KCNC4: variants seen among roughly 807,000 people sequenced by gnomAD.
The protein encoded by KCNC4 is voltage-gated potassium channel KCNC4.
Under a neutral mutation model 42.8 loss-of-function variants are expected in KCNC4, and 23 were observed. That is an observed-to-expected ratio of 0.54 (90% CI 0.39 to 0.76). KCNC4 has a LOEUF of 0.76. KCNC4 is among the 30% of genes least tolerant of loss of function. KCNC4 has a pLI of 0.00. For synonymous variants in KCNC4, 422 were observed against 393.5 expected, an observed-to-expected ratio of 1.07 and a Z score of -0.86; for missense variants, 751 against 898.2, an observed-to-expected ratio of 0.84 and a Z score of 2.10.
Position 110,223,876 on chromosome 1 carries a change from G to A in KCNC4, c.1591G>A (p.Gly531Ser), listed in dbSNP as rs1198904212. The A allele has an allele frequency of 7.5e-6, 12 of 1,599,992 alleles. No homozygotes were observed. Among genetic ancestry groups the A allele is most frequent in the Non-Finnish European group, 9.4e-6 (11 of 1,171,308 alleles). Residue 531 changes from glycine (G) to serine (S), a missense_variant, in exon 2 of 4, where the codon GGT becomes AGT. Physicochemically the swap from Gly to Ser is moderately conservative, Grantham distance 56. This residue lies in a region of KCNC4 where 202 missense variants were observed against 181.5 expected (regional missense o/e 1.11). Transcript: ENST00000438661. This position sits in a 1 kb window ranked among gnomAD's most constrained non-coding sequence, Gnocchi z 7.5. ...SDTSPPAREE[G>S]MIERKRADSK... ...TACCAGCCCCCCTGCCCGGGAAGAGGGTATGATCGAGAGGAAACGGGCAGG... is the reference window on the plus strand; with the variant it reads ...TACCAGCCCCCCTGCCCGGGAAGAGAGTATGATCGAGAGGAAACGGGCAGG...
chr1:110,265,380 A>C (rs1388919867), intron 1 of KCNC4, among the ~76,000 whole-genome samples: 5 of 135,446 alleles, frequency 3.7e-5, no homozygotes, highest in Admixed American at 7.1e-5. Context: ...AATAAAATAA[A>C]ATAAAATAAA....
intron 1 of KCNC4, chr1:110,222,253 A>G (rs1387461738): frequency 6.6e-6 from 1 of 152,302 alleles, no homozygotes; most frequent in Admixed American, 6.5e-5. Context: ...GACTATGGAT[A>G]ATAGGCTCAG....
At chr1:110,243,215 GCTAGGGCCTCT>G (rs1415327990) in exon 4 of KCNC4, 2 of 152,316 alleles carry the variant, frequency 1.3e-5, no homozygotes, top group Non-Finnish European at 2.9e-5. Context: ...GAAATTCCTT[GCTAGGGCCTCT>G]CACTGTGGAC....
At position 110,211,296 on chromosome 1, in the gene KCNC4, A is replaced by G. The variant is rs1176709618; in HGVS notation, c.-204A>G. The stretch of plus-strand genomic sequence containing the variant: ...TCCGGAGCTTCCTGCCCTAACCCCA[A>G]CCACCTGTGTACCGGAGAAATCCAA... On this transcript the variant is annotated 5_prime_UTR_variant, in exon 1 of 4. Transcript: ENST00000438661. The surrounding 1 kb of genome is among the most constrained non-coding windows in gnomAD (Gnocchi z 6.5). 1 of 720,402 alleles carries G rather than the reference A, an allele frequency of 1.4e-6. No homozygotes were observed. Among genetic ancestry groups the G allele is most frequent in the East Asian group, 2.8e-5 (1 of 35,968 alleles). 44.6% of individuals were successfully genotyped at this position (720,402 alleles called of 1,614,324 possible). A position where few individuals can be genotyped will look rare whatever the true frequency, so the allele number is the denominator to read the frequency against.
intron 3 of KCNC4, among the ~76,000 whole-genome samples, chr1:110,231,094 C>T (rs776285684): frequency 6.4e-4 from 98 of 152,254 alleles, no homozygotes; most frequent in Non-Finnish European, 2.2e-4. Flanking sequence ...TAGGAGTTCA[C>T]AACCTCGCCT....
rs987560090 is a variant in KCNC4 at position 110,211,098 on chromosome 1, G to A, written c.-402G>A. ...GCCGGAGGGTGGCCCGTGTGAGCGC[G>A]AGCGCCCCGGACCTTCGCGGTGCGC... On this transcript the variant is annotated 5_prime_UTR_variant, in exon 1 of 4. Transcript: ENST00000438661. The surrounding 1 kb of genome is among the most constrained non-coding windows in gnomAD (Gnocchi z 6.5). Among the ~76,000 whole-genome samples, 1 of 152,252 alleles carries A rather than the reference G, an allele frequency of 6.6e-6. No individual in the cohort carries two copies. The highest frequency in any genetic ancestry group is 6.5e-5 in the Admixed American group (1 of 15,288).
rs111869820 is a variant in KCNC4, at chr1:110,232,154, A to G, written c.1820-757A>G. ...ATCCCAGGCTGAGGGTGGGATCCCA[A>G]AAGGGCTCTCTGAGGGGTTGGGTTT... On this transcript the variant is annotated intron_variant, in intron 3 of 3. Coordinates refer to ENST00000438661, the MANE Select transcript of KCNC4 (RefSeq NM_001039574.3). 97 of 1,521,080 alleles carry G rather than the reference A, an allele frequency of 6.4e-5. 2 individuals are homozygous for G. In the Middle Eastern group the frequency reaches 1.0e-3, roughly 16 times the overall value. 94.2% of individuals were successfully genotyped at this position (1,521,080 alleles called of 1,614,324 possible).
intron 1 of KCNC4, among the ~76,000 whole-genome samples, chr1:110,277,857 A>C (rs1015794232): frequency 2.6e-5 from 4 of 152,212 alleles, no homozygotes; most frequent in African/African-American, 9.6e-5. Context: ...TGGGCTGGGC[A>C]TGGTGGCTCA....
Position 110,212,042 on chromosome 1 carries a change from G to C in KCNC4, c.543G>C (p.Glu181Asp), listed in dbSNP as rs774810449. Residue 181 changes from glutamate to aspartate, a missense_variant, in exon 1 of 4, where the codon GAG becomes GAC. By Grantham distance (45) the Glu-to-Asp change is conservative (BLOSUM62 2). Coordinates refer to ENST00000438661, the MANE Select transcript of KCNC4 (RefSeq NM_001039574.3). ...CCAGCGACGAGGCCGGCGACGATGAGCGGGAGCTGGCCCTGCAGCGACTGG... is the reference window on the plus strand; with the variant it reads ...CCAGCGACGAGGCCGGCGACGATGACCGGGAGCTGGCCCTGCAGCGACTGG... The part of the protein sequence containing the change: ...AGPSDEAGDD[E>D]RELALQRLGP... 6.3e-7 allele frequency: 1 copy of C among 1,579,908 alleles called. No individual in the cohort carries two copies. The highest frequency in any genetic ancestry group is 8.6e-7 in the Non-Finnish European group (1 of 1,165,082).
At chr1:110,246,767 T>C (rs77085733) in exon 4 of KCNC4, 1 of 11,080 alleles carries the variant, frequency 9.0e-5, no homozygotes, top group Non-Finnish European at 2.5e-4. Context: ...TTTTCTTTTC[T>C]TTTTTTTTTT....
At chr1:110,255,113 A>G (rs1203343905) in intron 1 of KCNC4, among the ~76,000 whole-genome samples, 1 of 152,260 alleles carries the variant, frequency 6.6e-6, no homozygotes, top group Non-Finnish European at 1.5e-5. Flanking sequence ...CAGGGAACAT[A>G]CACTCTCTTT....
downstream of KCNC4, chr1:110,236,588 C>T (rs966331740): frequency 5.9e-5 from 9 of 152,206 alleles, no homozygotes; most frequent in South Asian, 4.1e-4. Flanking sequence ...ACACATAAAG[C>T]GAGGAGGAAT....
exon 4 of KCNC4, chr1:110,241,388 T>C (rs115148286): frequency 7.2e-5 from 11 of 152,306 alleles, no homozygotes; most frequent in African/African-American, 2.6e-4. Context: ...TCCCAGGAGA[T>C]AGGACTGTTG....
chr1:110,244,286 C>G (rs1659095171), exon 4 of KCNC4: 1 of 152,222 alleles, frequency 6.6e-6, no homozygotes, highest in Non-Finnish European at 1.5e-5. Flanking sequence ...ATGGCTTGAG[C>G]CCAGGAGTTT....
At chr1:110,243,309 A>AT (rs1381040187) in exon 4 of KCNC4, 1 of 152,292 alleles carries the variant, frequency 6.6e-6, no homozygotes, top group African/African-American at 2.4e-5. Context: ...ACTCACTGTC[A>AT]TGACCATTTC....
chr1:110,277,255 G>A (rs1659742519), intron 1 of KCNC4, among the ~76,000 whole-genome samples: 2 of 152,232 alleles, frequency 1.3e-5, no homozygotes, highest in South Asian at 4.1e-4. Context: ...AAATAGCATA[G>A]TGGCAGCAGG....
Position 110,232,970 on chromosome 1 carries a change from T to C in KCNC4, c.1879T>C (p.Ter627GlnextTer58). ...CCAGGCTGAAGTCCTCACCCTCTCTTAAAGCGGCACCAACGTGAGAGAGAC... is the reference window on the plus strand; with the variant it reads ...CCAGGCTGAAGTCCTCACCCTCTCTCAAAGCGGCACCAACGTGAGAGAGAC... ...YAQAEVLTLS[*>Q] Residue 627 changes from the stop codon to glutamine (Q), a stop_lost, in exon 4 of 4, where the codon TAA becomes CAA. Transcript: ENST00000438661. 1 of 1,610,522 alleles carries C rather than the reference T, an allele frequency of 6.2e-7. No individual in the cohort carries two copies. Among genetic ancestry groups the C allele is most frequent in the South Asian group, 1.1e-5 (1 of 89,874 alleles).
chr1:110,236,767 C>A (rs1658916552), downstream of KCNC4: 1 of 152,058 alleles, frequency 6.6e-6, no homozygotes, highest in Admixed American at 6.5e-5. Flanking sequence ...GTGGCTCAAG[C>A]TGGAGAAGTC....
chr1:110,225,928 G>T, intron 2 of KCNC4, 47 bp from the exon 3 acceptor site: 1 of 1,520,776 alleles, frequency 6.6e-7, no homozygotes, highest in African/African-American at 1.4e-5. Context: ...CATGAGCAAG[G>T]CTCAGGTCGC....
Sources: allele counts gnomAD v4.1 joint callset (sites outside exome capture counted in the v4.1 genomes callset), GRCh38; gene constraint gnomAD v4.1.1; regional missense constraint gnomAD v4.1.1; non-coding constraint Gnocchi (gnomAD v3.1); transcripts MANE v1.5; gene names NCBI Gene and HGNC (gene_info 2026-07-23, HGNC 2026-07-21).